Variants in TRPM3 observed in about 807,000 individuals in gnomAD.
TRPM3 encodes transient receptor potential cation channel subfamily M member 3.
Under a neutral mutation model 181.2 loss-of-function variants are expected in TRPM3, and 77 were observed. That is an observed-to-expected ratio of 0.42 (90% CI 0.35 to 0.51). The LOEUF is 0.51. Ranked by LOEUF, TRPM3 falls within the 20% of genes least tolerant of loss-of-function variation. The probability of loss-of-function intolerance (pLI) is 0.01; values close to 1 mark genes in which losing one functional copy is unlikely to be tolerated. For synonymous variants in TRPM3, 745 were observed against 796.4 expected (o/e 0.94, Z 1.09); for missense variants, 1,759 against 2,196.7 (o/e 0.80, Z 3.98).
intron 1 of TRPM3, among the ~76,000 whole-genome samples, chr9:71,332,395 G>C (rs544387063): frequency 6.6e-6 from 1 of 151,312 alleles, no homozygotes; most frequent in Non-Finnish European, 1.5e-5. Context: ...GTGTGTGTGT[G>C]TGTGTGTGTG....
intron 8 of TRPM3, among the ~76,000 whole-genome samples, chr9:70,740,676 T>G (rs571048979): frequency 6.6e-6 from 1 of 151,284 alleles, no homozygotes; most frequent in East Asian, 1.9e-4. Context: ...ATAAAGCCAA[T>G]TGATCTTTAA....
intron 9 of TRPM3, among the ~76,000 whole-genome samples, chr9:70,661,829 T>C (rs1339122778): frequency 1.3e-5 from 2 of 152,134 alleles, no homozygotes; most frequent in Non-Finnish European, 2.9e-5. Flanking sequence ...AGAATCAACA[T>C]TGTGAAAATG....
chr9:70,652,650 C>G (rs961975944), intron 9 of TRPM3, among the ~76,000 whole-genome samples: 1 of 152,176 alleles, frequency 6.6e-6, no homozygotes, highest in African/African-American at 2.4e-5. Context: ...TCCCACTTTG[C>G]TAATTGGAAA....
chr9:71,140,095 G>C (rs903242461), intron 1 of TRPM3, among the ~76,000 whole-genome samples: 5 of 152,150 alleles, frequency 3.3e-5, no homozygotes, highest in African/African-American at 1.2e-4. Flanking sequence ...AAGACAGATA[G>C]CAGGCTGGCA....
chr9:70,603,384 T>C lies in TRPM3; in HGVS notation c.2754A>G (p.Val918=). 6.2e-7 allele frequency: 1 copy of C among 1,614,096 alleles called. No individual in the cohort carries two copies. The highest frequency in any genetic ancestry group is 1.7e-5 in the Admixed American group (1 of 60,016). Residue 918 remains valine (V), a synonymous_variant, in exon 20 of 26, where the codon GTA becomes GTG. Transcript: ENST00000677713. ...TTCCCAGGGTGAAAATATAGGAGAT[T>C]ACGATCCATTCCTGGGTGGACGGCC... ...ERWPSTQEWI[V]ISYIFTLGIE...
chr9:71,074,107 C>A (rs1049525396), intron 1 of TRPM3, among the ~76,000 whole-genome samples: 1 of 152,128 alleles, frequency 6.6e-6, no homozygotes, highest in African/African-American at 2.4e-5. Flanking sequence ...TTATTGTTAA[C>A]AATATAATTC....
chr9:70,675,190 T>A (rs1296168836), intron 9 of TRPM3, among the ~76,000 whole-genome samples: 1 of 152,152 alleles, frequency 6.6e-6, no homozygotes, highest in Non-Finnish European at 1.5e-5. Context: ...AACCTCCACC[T>A]CCCAGGTTCA....
At chr9:70,853,310 T>C (rs1402388910) in intron 3 of TRPM3, among the ~76,000 whole-genome samples, 1 of 152,214 alleles carries the variant, frequency 6.6e-6, no homozygotes, top group African/African-American at 2.4e-5. Flanking sequence ...GCTGTTCTTC[T>C]CTAATTTTAA....
Position 70,598,581 on chromosome 9 carries a change from A to G in TRPM3, c.2886T>C (p.Leu962=), listed in dbSNP as rs1361239387. ...GAAGGATCATTCCGACAGAAAACAG[A>G]AGGATGGCGATGAGGTCCGTGACAT... The part of the protein sequence containing the change: ...YWNVTDLIAI[L]LFSVGMILRL... The change falls in exon 21 of 26, where the codon CTT becomes CTC. Residue 962 remains leucine, a synonymous_variant. Transcript: ENST00000677713. The G allele has an allele frequency of 8.7e-6, 14 of 1,614,076 alleles. No homozygotes were observed. Among genetic ancestry groups the G allele is most frequent in the Non-Finnish European group, 1.0e-5 (12 of 1,180,038 alleles).
intron 8 of TRPM3, among the ~76,000 whole-genome samples, chr9:70,745,045 A>G (rs1198030390): frequency 6.6e-6 from 1 of 152,172 alleles, no homozygotes; most frequent in Non-Finnish European, 1.5e-5. Context: ...AAACAAGATA[A>G]CATGAAAATG....
At chr9:71,002,685 G>T (rs543626477) in intron 1 of TRPM3, among the ~76,000 whole-genome samples, 6 of 151,872 alleles carry the variant, frequency 4.0e-5, no homozygotes, top group South Asian at 2.1e-4. Context: ...TATTGAAATC[G>T]AAATCCAAAT....
At chr9:70,987,248 T>C (rs755336544) in intron 1 of TRPM3, among the ~76,000 whole-genome samples, 1 of 152,112 alleles carries the variant, frequency 6.6e-6, no homozygotes, top group African/African-American at 2.4e-5. Flanking sequence ...ATTTTAAAAA[T>C]ACAGAATGGC....
intron 1 of TRPM3, among the ~76,000 whole-genome samples, chr9:71,184,460 C>T (rs546787009): frequency 1.1e-3 from 160 of 152,166 alleles, no homozygotes; most frequent in Middle Eastern, 3.4e-3. Flanking sequence ...GTTCTCTTCT[C>T]TTTTTCCTCT....
chr9:70,691,670 CAG>C (rs1273844070), intron 8 of TRPM3, among the ~76,000 whole-genome samples: 1 of 152,188 alleles, frequency 6.6e-6, no homozygotes, highest in African/African-American at 2.4e-5. Flanking sequence ...AAATGCAATT[CAG>C]AGGCTAGAGG....
At chr9:70,930,821 C>T (rs2096768901) in intron 1 of TRPM3, among the ~76,000 whole-genome samples, 1 of 151,920 alleles carries the variant, frequency 6.6e-6, no homozygotes, top group African/African-American at 2.4e-5. Context: ...GAAGACAAAA[C>T]CTTGCAGCAT....
Position 71,145,541 on chromosome 9 carries a change from T to C in TRPM3, c.184-281030A>G, listed in dbSNP as rs887984938. Among the ~76,000 whole-genome samples the C allele has an allele frequency of 2.6e-5, 4 of 152,162 alleles. No individual in the cohort carries two copies. In the South Asian group the frequency reaches 6.2e-4, roughly 24 times the overall value. On this transcript the variant is annotated intron_variant, in intron 1 of 24. Coordinates refer to the TRPM3 transcript ENST00000357533. ...CCTGGAGTTGTCCTGCAGACATAGATTGAATTTCTAGGAAAAGGAAATGCA... is the reference window on the plus strand; with the variant it reads ...CCTGGAGTTGTCCTGCAGACATAGACTGAATTTCTAGGAAAAGGAAATGCA...
intron 1 of TRPM3, among the ~76,000 whole-genome samples, chr9:71,095,758 CAAAAAAAAA>C (rs34934062): frequency 1.2e-5 from 1 of 85,310 alleles, no homozygotes; most frequent in African/African-American, 4.3e-5. Flanking sequence ...GACTCTGTGT[CAAAAAAAAA>C]AAAAAAAAAA....
chr9:70,638,272 C>T (rs191612453), intron 11 of TRPM3, among the ~76,000 whole-genome samples: 1 of 152,294 alleles, frequency 6.6e-6, no homozygotes, highest in East Asian at 1.9e-4. Flanking sequence ...TTAGACTCTC[C>T]AGCCTCCAGA....
chr9:71,445,077 T>C (rs972030638), intron 1 of TRPM3, among the ~76,000 whole-genome samples: 2 of 152,200 alleles, frequency 1.3e-5, no homozygotes, highest in African/African-American at 4.8e-5. Context: ...GGTACCCTCT[T>C]AGGCTCTTTT....
Sources: gnomAD v4.1 joint callset for allele counts (sites outside exome capture counted in the v4.1 genomes callset) on GRCh38, gnomAD v4.1.1 for gene constraint, MANE v1.5 for transcripts, NCBI Gene and HGNC (gene_info 2026-07-23, HGNC 2026-07-21) for gene names.